The following CHCHD6 variants were observed in gnomAD, a reference collection of about 807,000 sequenced individuals.
The protein encoded by CHCHD6 is MICOS complex subunit MIC25.
In CHCHD6, 28 loss-of-function variants were observed where a neutral mutation model predicts 32.3. The observed-to-expected ratio is 0.87, with a 90% CI of 0.64 to 1.19. The LOEUF is 1.19. CHCHD6 is among the 50% of genes most tolerant of loss of function. The pLI, the probability that CHCHD6 is intolerant of heterozygous loss-of-function variation, is 0.00. For synonymous variants in CHCHD6, 122 were observed against 117.5 expected, an observed-to-expected ratio of 1.04 and a Z score of -0.25; for missense variants, 333 against 307.0, an observed-to-expected ratio of 1.08 and a Z score of -0.63.
chr3:126,759,811 T>G (rs1576381591), intron 4 of CHCHD6, among the ~76,000 whole-genome samples: 1 of 152,308 alleles, frequency 6.6e-6, no homozygotes, highest in South Asian at 2.1e-4. Context: ...GTTCTTGCAT[T>G]ACTGTGAAGA....
At chr3:126,733,253 C>G (rs1176462619) in intron 4 of CHCHD6, 31 bp downstream of exon 4, 1 of 1,600,998 alleles carries the variant, frequency 6.2e-7, no homozygotes, top group East Asian at 2.3e-5. Context: ...ATCTGGCCTT[C>G]TGAGCTGGGC....
At chr3:126,885,162 T>C (rs533317844) in intron 5 of CHCHD6, among the ~76,000 whole-genome samples, 1 of 152,332 alleles carries the variant, frequency 6.6e-6, no homozygotes, top group South Asian at 2.1e-4. Context: ...CTTTGAGATT[T>C]GAAGGAGCAA....
At chr3:126,901,361 G>A (rs1559912084) in intron 5 of CHCHD6, among the ~76,000 whole-genome samples, 1 of 152,142 alleles carries the variant, frequency 6.6e-6, no homozygotes, top group Non-Finnish European at 1.5e-5. Context: ...CATCCTGACT[G>A]GACCACCTTA....
intron 4 of CHCHD6, among the ~76,000 whole-genome samples, chr3:126,823,107 G>T (rs867061279): frequency 6.6e-6 from 1 of 152,046 alleles, no homozygotes; most frequent in African/African-American, 2.4e-5. Context: ...GGTAGAGGCG[G>T]TATCTCCCTG....
chr3:126,780,089 G>A (rs570077247), intron 4 of CHCHD6, among the ~76,000 whole-genome samples: 1 of 152,258 alleles, frequency 6.6e-6, no homozygotes, highest in East Asian at 1.9e-4. Flanking sequence ...TACCTTCTGT[G>A]TATTTAAAAA....
chr3:126,841,811 G>A (rs961036729), intron 4 of CHCHD6, among the ~76,000 whole-genome samples: 2 of 152,156 alleles, frequency 1.3e-5, no homozygotes, highest in African/African-American at 2.4e-5. Context: ...GCTACTAGGA[G>A]GCTGAGGTGG....
At chr3:126,876,468 A>G (rs762951831) in intron 5 of CHCHD6, among the ~76,000 whole-genome samples, 9 of 152,012 alleles carry the variant, frequency 5.9e-5, no homozygotes, top group Non-Finnish European at 1.2e-4. Context: ...ACAGTGTTGT[A>G]CTCTCATTCT....
At chr3:126,915,807 T>C (rs188684587) in intron 6 of CHCHD6, among the ~76,000 whole-genome samples, 1 of 152,172 alleles carries the variant, frequency 6.6e-6, no homozygotes, top group Non-Finnish European at 1.5e-5. Context: ...GGGTCTCTTT[T>C]TGAGGCAGGG....
At chr3:126,784,600 C>G (rs1381815883) in intron 4 of CHCHD6, among the ~76,000 whole-genome samples, 2 of 152,162 alleles carry the variant, frequency 1.3e-5, no homozygotes, top group Non-Finnish European at 2.9e-5. Flanking sequence ...CAGCACCGTC[C>G]CACCCTCACT....
At chr3:126,909,229 T>G (rs1039870343) in intron 5 of CHCHD6, among the ~76,000 whole-genome samples, 1 of 152,228 alleles carries the variant, frequency 6.6e-6, no homozygotes, top group East Asian at 1.9e-4. Context: ...AGGCTCTGTT[T>G]TCTTCACATC....
In CHCHD6 at chr3:126,712,981, T is replaced by G. The variant is rs885095; in HGVS notation, c.87+8582T>G. ...AAGCTGGCGGTCATCCACGTTCCTC[T>G]CTTTCTCTATATTCATGACAAGTCT... On this transcript the variant is annotated intron_variant, in intron 1 of 7. Transcript: ENST00000290913. Among the ~76,000 whole-genome samples the G allele has an allele frequency of 6.1e-4, 93 of 152,308 alleles. No individual in the cohort carries two copies. In the East Asian group the frequency reaches 0.016, roughly 26 times the overall value.
chr3:126,945,744 GGGGGAGACTTGAGT>G, intron 6 of CHCHD6, among the ~76,000 whole-genome samples: 2 of 147,870 alleles, frequency 1.4e-5, no homozygotes, highest in African/African-American at 5.0e-5. Context: ...GGGAGACTCG[GGGGGAGACTTGAGT>G]GGGGAGACTC....
chr3:126,797,715 A>G (rs1047765926), intron 4 of CHCHD6, among the ~76,000 whole-genome samples: 1 of 152,204 alleles, frequency 6.6e-6, no homozygotes, highest in African/African-American at 2.4e-5. Flanking sequence ...CCTTGCCCCC[A>G]GGGCCACTCC....
Position 126,903,538 on chromosome 3 carries a change from T to A in CHCHD6, c.496-11142T>A, listed in dbSNP as rs192287627. Among the ~76,000 whole-genome samples, 50 of 152,252 alleles carry A rather than the reference T, an allele frequency of 3.3e-4. No homozygotes were observed. The East Asian group carries it at 3.5e-3, about 11-fold the overall frequency. ...ATTAAACTTCATGTCCCTTGATTTTTAAAAAAAATTCTGTTGTGCTATGCA... is the reference window on the plus strand; with the variant it reads ...ATTAAACTTCATGTCCCTTGATTTTAAAAAAAAATTCTGTTGTGCTATGCA... On this transcript the variant is annotated intron_variant, in intron 5 of 7. Transcript: ENST00000290913.
intron 4 of CHCHD6, among the ~76,000 whole-genome samples, chr3:126,786,214 A>T (rs1050063099): frequency 6.6e-6 from 1 of 152,068 alleles, no homozygotes; most frequent in African/African-American, 2.4e-5. Context: ...CATTTTCTTA[A>T]TCCAGTCTAT....
chr3:126,765,690 C>T (rs1937340805), intron 4 of CHCHD6, among the ~76,000 whole-genome samples: 1 of 152,250 alleles, frequency 6.6e-6, no homozygotes, highest in African/African-American at 2.4e-5. Context: ...TTGGTGAGTG[C>T]ATGTGACAAG....
At chr3:126,828,726 C>T (rs553269605) in intron 4 of CHCHD6, among the ~76,000 whole-genome samples, 10 of 152,242 alleles carry the variant, frequency 6.6e-5, no homozygotes, top group African/African-American at 1.9e-4. Context: ...TTCCAGTACC[C>T]CTTCAGTCCA....
chr3:126,900,646 C>A (rs1011268265), intron 5 of CHCHD6, among the ~76,000 whole-genome samples: 5 of 145,802 alleles, frequency 3.4e-5, no homozygotes, highest in Non-Finnish European at 6.0e-5. Context: ...CTCTTGTTGC[C>A]CAGGCTGGAG....
intron 5 of CHCHD6, among the ~76,000 whole-genome samples, chr3:126,885,167 G>A (rs961324647): frequency 7.9e-5 from 12 of 152,178 alleles, no homozygotes; most frequent in African/African-American, 2.9e-4. Context: ...AGATTTGAAG[G>A]AGCAAGGAGT....
Sources: allele counts gnomAD v4.1 joint callset (sites outside exome capture counted in the v4.1 genomes callset), GRCh38; gene constraint gnomAD v4.1.1; transcripts MANE v1.5; gene names NCBI Gene and HGNC (gene_info 2026-07-23, HGNC 2026-07-21).